FAT3: variants seen among roughly 807,000 people sequenced by gnomAD.
FAT3 encodes the protein protocadherin Fat 3.
FAT3 carries 95 observed loss-of-function variants against 310.2 expected under a neutral mutation model. The observed-to-expected ratio is 0.31, with a 90% CI of 0.26 to 0.36. FAT3 has a LOEUF of 0.36. Ranked by LOEUF, FAT3 falls within the 10% of genes least tolerant of loss-of-function variation. The pLI, the probability that FAT3 is intolerant of heterozygous loss-of-function variation, is 1.00. For missense variants in FAT3, 5,408 were observed against 5,715.6 expected, an observed-to-expected ratio of 0.95 and a Z score of 1.74; for synonymous variants, 2,314 against 2,192.9, an observed-to-expected ratio of 1.06 and a Z score of -1.54.
chr11:92,289,500 T>TACACACACACACACACAC (rs10562084), intron 1 of FAT3, among the ~76,000 whole-genome samples: 1 of 144,230 alleles, frequency 6.9e-6, no homozygotes, highest in African/African-American at 2.5e-5. Context: ...CCATGATAGA[T>TACACACACACACACACAC]ACACACACAC....
chr11:92,508,435 T>G (rs1565370959), intron 2 of FAT3, among the ~76,000 whole-genome samples: 1 of 152,166 alleles, frequency 6.6e-6, no homozygotes, highest in African/African-American at 2.4e-5. Flanking sequence ...TAGCTTTACT[T>G]ACGTTTTTCA....
chr11:92,341,759 T>A (rs1948267624), intron 1 of FAT3, among the ~76,000 whole-genome samples: 1 of 152,218 alleles, frequency 6.6e-6, no homozygotes, highest in Non-Finnish European at 1.5e-5. Flanking sequence ...CTTTTCCTTT[T>A]TGAGTTCATT....
intron 4 of FAT3, among the ~76,000 whole-genome samples, chr11:92,761,218 G>A (rs1454560428): frequency 6.6e-6 from 1 of 152,160 alleles, no homozygotes; most frequent in African/African-American, 2.4e-5. Flanking sequence ...TCAGTGTCTA[G>A]TGATAGCTTG....
At chr11:92,448,674 C>G (rs1951278904) in intron 2 of FAT3, among the ~76,000 whole-genome samples, 1 of 152,130 alleles carries the variant, frequency 6.6e-6, no homozygotes, top group South Asian at 2.1e-4. Flanking sequence ...TTTGATAGGT[C>G]TGGACTCCCC....
intron 2 of FAT3, among the ~76,000 whole-genome samples, chr11:92,398,340 A>C (rs1949928494): frequency 6.6e-6 from 1 of 151,974 alleles, no homozygotes; most frequent in Non-Finnish European, 1.5e-5. Flanking sequence ...GTCTCTACTA[A>C]AAGTACAAAA....
At chr11:92,503,170 G>A (rs1952996272) in intron 2 of FAT3, among the ~76,000 whole-genome samples, 1 of 151,972 alleles carries the variant, frequency 6.6e-6, no homozygotes, top group Non-Finnish European at 1.5e-5. Context: ...TTCAGAGTGT[G>A]GCAACAAGAA....
intron 4 of FAT3, among the ~76,000 whole-genome samples, chr11:92,759,145 G>C (rs148240301): frequency 1.1e-3 from 174 of 152,310 alleles, no homozygotes; most frequent in African/African-American, 3.9e-3. Context: ...AGGAAAAGCA[G>C]ATTGGAGCTA....
chr11:92,839,342 T>C (rs1948481257), intron 17 of FAT3, among the ~76,000 whole-genome samples: 1 of 152,164 alleles, frequency 6.6e-6, no homozygotes, highest in Non-Finnish European at 1.5e-5. Context: ...GGAAGCGGCC[T>C]TTAGAGAGTA....
At chr11:92,473,560 G>A (rs1052130654) in intron 2 of FAT3, among the ~76,000 whole-genome samples, 4 of 152,110 alleles carry the variant, frequency 2.6e-5, no homozygotes, top group Non-Finnish European at 5.9e-5. Context: ...TCATCTTAAG[G>A]CGTCAATACA....
intron 3 of FAT3, among the ~76,000 whole-genome samples, chr11:92,623,349 T>C (rs1477801103): frequency 1.3e-5 from 2 of 152,200 alleles, no homozygotes; most frequent in African/African-American, 2.4e-5. Context: ...CTCTCTTGCC[T>C]CCTCTAATAT....
intron 13 of FAT3, among the ~76,000 whole-genome samples, chr11:92,821,665 AAC>A (rs1947971005): frequency 6.6e-6 from 1 of 152,194 alleles, no homozygotes; most frequent in African/African-American, 2.4e-5. Context: ...AAGCTCCAAA[AAC>A]ACGCATGTGA....
chr11:92,440,611 A>C lies in FAT3; in HGVS notation c.3293-84023A>C, dbSNP rs372093810. On this transcript the variant is annotated intron_variant, in intron 2 of 27. Coordinates refer to ENST00000525166, the MANE Select transcript of FAT3 (RefSeq NM_001367949.2). Reference sequence around the variant, plus strand: ...GTTGAGGGCTGCTTCCATTCAATGCATGGTCAGTGGTGGAGATGTCAATCA... The same window carrying C: ...GTTGAGGGCTGCTTCCATTCAATGCCTGGTCAGTGGTGGAGATGTCAATCA... 3.9e-5 allele frequency among the ~76,000 whole-genome samples: 6 copies of C among 152,308 alleles called. No individual in the cohort carries two copies. The East Asian group carries it at 1.2e-3, about 29-fold the overall frequency.
At chr11:92,874,515 C>G (rs1949478457) in intron 22 of FAT3, among the ~76,000 whole-genome samples, 1 of 152,140 alleles carries the variant, frequency 6.6e-6, no homozygotes, top group Non-Finnish European at 1.5e-5. Context: ...AATCAGAAAG[C>G]CTAGAGTCAA....
intron 10 of FAT3, among the ~76,000 whole-genome samples, chr11:92,802,840 A>G (rs1485615591): frequency 2.0e-5 from 3 of 152,214 alleles, no homozygotes; most frequent in Non-Finnish European, 4.4e-5. Flanking sequence ...CCCTTAGGAC[A>G]TAGAATCTGC....
At chr11:92,267,069 ACG>A (rs1945981635) in intron 1 of FAT3, among the ~76,000 whole-genome samples, 1 of 152,114 alleles carries the variant, frequency 6.6e-6, no homozygotes, top group Admixed American at 6.6e-5. Flanking sequence ...CTTGCCTGTC[ACG>A]CGGGTGTAGC....
chr11:92,482,548 T>C (rs1413347932), intron 2 of FAT3, among the ~76,000 whole-genome samples: 1 of 152,242 alleles, frequency 6.6e-6, no homozygotes, highest in Non-Finnish European at 1.5e-5. Flanking sequence ...CAGGTCGTTC[T>C]GACTTTCCAG....
chr11:92,328,958 G>A (rs142671645), intron 1 of FAT3, among the ~76,000 whole-genome samples: 69 of 152,196 alleles, frequency 4.5e-4, no homozygotes, highest in Non-Finnish European at 7.8e-4. Flanking sequence ...TTAAAAGACT[G>A]TTTAAATTAC....
chr11:92,817,773 TA>T lies in FAT3; in HGVS notation c.9481+7699del, dbSNP rs1947859450. Among the ~76,000 whole-genome samples the T allele has an allele frequency of 2.0e-5, 3 of 152,366 alleles. No homozygotes were observed. In the South Asian group the frequency reaches 6.2e-4, roughly 32 times the overall value. ...GAGGAATGTGCATGAAAGTGACCAC[TA>T]ACGATTGTTAGATGGAGATTTTTCT... On this transcript the variant is annotated intron_variant, in intron 13 of 27. Transcript: ENST00000525166.
At chr11:92,385,246 G>A (rs1048763514) in intron 2 of FAT3, among the ~76,000 whole-genome samples, 1 of 152,206 alleles carries the variant, frequency 6.6e-6, no homozygotes, top group African/African-American at 2.4e-5. Context: ...TTTAAATGCT[G>A]TAGCTATGTT....
Sources: allele counts gnomAD v4.1 joint callset (sites outside exome capture counted in the v4.1 genomes callset), GRCh38; gene constraint gnomAD v4.1.1; transcripts MANE v1.5; gene names NCBI Gene and HGNC (gene_info 2026-07-23, HGNC 2026-07-21).